The following ST13 variants were observed in gnomAD, a reference collection of about 807,000 sequenced individuals.
The protein encoded by ST13 is hsc70-interacting protein.
A neutral mutation model predicts 56.7 loss-of-function variants in ST13; 23 were observed. The observed-to-expected ratio is 0.41, with a 90% CI of 0.29 to 0.57. The LOEUF (loss-of-function observed/expected upper bound fraction) is 0.57. Ranked by LOEUF, ST13 falls within the 20% of genes least tolerant of loss-of-function variation. The pLI is 0.36. For synonymous variants in ST13, 132 were observed against 142.4 expected (o/e 0.93, Z 0.52); for missense variants, 369 against 459.9 (o/e 0.80, Z 1.81).
At chr22:40,844,644 G>A (rs1225132032) in intron 4 of ST13, among the ~76,000 whole-genome samples, 195 bp downstream of exon 4, 3 of 152,170 alleles carry the variant, frequency 2.0e-5, no homozygotes. Flanking sequence ...TTAAAAAACA[G>A]ATAAAACAGA....
intron 7 of ST13, among the ~76,000 whole-genome samples, chr22:40,833,196 T>A (rs2057761888): frequency 6.6e-6 from 1 of 152,104 alleles, no homozygotes; most frequent in Non-Finnish European, 1.5e-5. Flanking sequence ...CTTCGAACAT[T>A]TAAATGCTTT....
At chr22:40,828,618 T>TA (rs574469217) in intron 10 of ST13, among the ~76,000 whole-genome samples, 124 of 139,832 alleles carry the variant, frequency 8.9e-4, no homozygotes, top group South Asian at 6.1e-3. Context: ...GTCTCAATAA[T>TA]AAAAAAAAAA....
At chr22:40,855,023 T>G (rs2057882075) in intron 1 of ST13, among the ~76,000 whole-genome samples, 1 of 152,140 alleles carries the variant, frequency 6.6e-6, no homozygotes, top group Admixed American at 6.5e-5. Context: ...GGTGGGGAGC[T>G]AAAAATTGAA....
chr22:40,852,882 A>C (rs928716985), intron 1 of ST13, among the ~76,000 whole-genome samples: 2 of 152,212 alleles, frequency 1.3e-5, no homozygotes, highest in African/African-American at 4.8e-5. Flanking sequence ...TGTTCTTCCT[A>C]AGTTTCAAAA....
chr22:40,843,153 G>A (rs999472335), intron 4 of ST13, among the ~76,000 whole-genome samples: 7 of 152,084 alleles, frequency 4.6e-5, no homozygotes, highest in Admixed American at 1.3e-4. Flanking sequence ...TGGGGAACAC[G>A]TTAGTAAGTT....
At chr22:40,855,939 G>A (rs1469228473) in intron 1 of ST13, among the ~76,000 whole-genome samples, 2 of 150,442 alleles carry the variant, frequency 1.3e-5, no homozygotes, top group Admixed American at 6.6e-5. Context: ...ACGCTGTAAG[G>A]TAAAAACAAT....
Position 40,848,805 on chromosome 22 carries a change from T to C in ST13, c.169-436A>G, listed in dbSNP as rs570720310. On this transcript the variant is annotated intron_variant, in intron 2 of 11. Transcript: ENST00000216218. ...CATTGACAATAAACAGTTTAGAGAT[T>C]ATAAATAGCCTCATGTCCACTCACA... Among the ~76,000 whole-genome samples, 5 of 152,314 alleles carry C rather than the reference T, an allele frequency of 3.3e-5. No individual in the cohort carries two copies. In the South Asian group the frequency reaches 8.3e-4, roughly 25 times the overall value.
chr22:40,835,141 A>G (rs982902676), intron 7 of ST13, among the ~76,000 whole-genome samples: 2 of 152,206 alleles, frequency 1.3e-5, no homozygotes, highest in Non-Finnish European at 2.9e-5. Flanking sequence ...TCCTTCTTCT[A>G]TAATACACTG....
chr22:40,830,715 A>G (rs776867202), intron 9 of ST13, 125 bp downstream of exon 9: 2 of 509,650 alleles, frequency 3.9e-6, no homozygotes, highest in Non-Finnish European at 6.9e-6. Flanking sequence ...CATAAGTAAT[A>G]TCATTACTCT....
rs193043607 is a variant in ST13 at position 40,839,352 on chromosome 22, T to C, written c.382+1274A>G. ...CACTATACAATAGCATCTAGTCAACTATGGCATTGTGACACACTATCACTG... is the reference window on the plus strand; with the variant it reads ...CACTATACAATAGCATCTAGTCAACCATGGCATTGTGACACACTATCACTG... On this transcript the variant is annotated intron_variant, in intron 5 of 11. Coordinates refer to ENST00000216218, the MANE Select transcript of ST13 (RefSeq NM_003932.5). Among the ~76,000 whole-genome samples, 390 of 152,342 alleles carry C rather than the reference T, an allele frequency of 2.6e-3. 2 individuals are homozygous for C. Among genetic ancestry groups the C allele is most frequent in the African/African-American group, 8.7e-3 (362 of 41,574 alleles).
intron 3 of ST13, among the ~76,000 whole-genome samples, chr22:40,847,567 A>G (rs935623824): frequency 6.6e-6 from 1 of 151,278 alleles, no homozygotes; most frequent in African/African-American, 2.5e-5. Flanking sequence ...AAAAAAAAAA[A>G]AAAAAAGAAA....
rs200153328 is a variant in ST13, at chr22:40,840,725, G to C, written c.316-33C>G. 6.4e-6 allele frequency: 10 copies of C among 1,572,048 alleles called. No individual in the cohort carries two copies. The East Asian group carries it at 2.3e-4, about 36-fold the overall frequency. Reference sequence around the variant, plus strand: ...GAAAATAAAAATCATCTTAGAATTAGTAGAGAGAGAGAGAAGGAAGCAATT... The same window carrying C: ...GAAAATAAAAATCATCTTAGAATTACTAGAGAGAGAGAGAAGGAAGCAATT... On this transcript the variant is annotated intron_variant, in intron 4 of 11. Transcript: ENST00000216218.
At chr22:40,842,821 G>A (rs1191995085) in intron 4 of ST13, among the ~76,000 whole-genome samples, 5 of 152,150 alleles carry the variant, frequency 3.3e-5, no homozygotes, top group Non-Finnish European at 1.5e-5. Context: ...TTGACAAATG[G>A]TGACAGAAAG....
chr22:40,849,477 C>T (rs2057849950), intron 2 of ST13, among the ~76,000 whole-genome samples: 2 of 98,672 alleles, frequency 2.0e-5, no homozygotes, highest in Non-Finnish European at 3.7e-5. Context: ...GAGACTCTGT[C>T]TCAAAAAAAA....
intron 5 of ST13, among the ~76,000 whole-genome samples, chr22:40,838,152 G>A (rs1602654727): frequency 6.6e-6 from 1 of 152,136 alleles, no homozygotes; most frequent in Non-Finnish European, 1.5e-5. Flanking sequence ...GTTGTAGTGG[G>A]AAAGCAGCCA....
intron 4 of ST13, among the ~76,000 whole-genome samples, chr22:40,841,390 A>G (rs1410258847): frequency 6.6e-6 from 1 of 151,908 alleles, no homozygotes; most frequent in African/African-American, 2.4e-5. Context: ...CCTGCAAAAA[A>G]AGAACAAAGA....
intron 4 of ST13, among the ~76,000 whole-genome samples, chr22:40,841,840 G>A (rs1033054542): frequency 6.6e-6 from 1 of 151,834 alleles, no homozygotes; most frequent in Non-Finnish European, 1.5e-5. Context: ...TGAGTTGCCT[G>A]CCTCACTCTC....
At chr22:40,838,367 C>A (rs2057787228) in intron 5 of ST13, among the ~76,000 whole-genome samples, 1 of 152,150 alleles carries the variant, frequency 6.6e-6, no homozygotes, top group Admixed American at 6.5e-5. Flanking sequence ...ATTAAATTTA[C>A]AAAGGCACAT....
chr22:40,832,691 A>C lies in ST13; in HGVS notation c.579-20T>G. Reference sequence around the variant, plus strand: ...AGAAGTCTGAAACAGATTTACACTCATTTTAGGAGCCTTTTATACATATTC... The same window carrying C: ...AGAAGTCTGAAACAGATTTACACTCCTTTTAGGAGCCTTTTATACATATTC... On this transcript the variant is annotated intron_variant, in intron 7 of 11. Transcript: ENST00000216218. The C allele has an allele frequency of 1.9e-6, 3 of 1,549,828 alleles. No homozygotes were observed. The highest frequency in any genetic ancestry group is 2.6e-6 in the Non-Finnish European group (3 of 1,134,844).
Sources: allele counts gnomAD v4.1 joint callset (sites outside exome capture counted in the v4.1 genomes callset), GRCh38; gene constraint gnomAD v4.1.1; transcripts MANE v1.5; gene names NCBI Gene and HGNC (gene_info 2026-07-23, HGNC 2026-07-21).